The following WDR26 variants were observed in gnomAD, a reference collection of about 807,000 sequenced individuals.
WDR26 encodes the protein WD repeat domain 26.
Under a neutral mutation model 84.1 loss-of-function variants are expected in WDR26, and 5 were observed. That is an observed-to-expected ratio of 0.06 (90% confidence interval 0.03 to 0.13). The LOEUF (loss-of-function observed/expected upper bound fraction) is 0.13. Among genes scored for constraint, WDR26 ranks in the 10% least tolerant of loss-of-function variants. The pLI is 1.00. For synonymous variants in WDR26, 415 were observed against 389.6 expected (o/e 1.07, Z -0.77); for missense variants, 642 against 974.9 (o/e 0.66, Z 4.55).
In WDR26 at chr1:224,433,668, G is replaced by C; in HGVS notation, c.722+16C>G. The C allele has an allele frequency of 8.2e-7, 1 of 1,221,108 alleles. No homozygotes were observed. Among genetic ancestry groups the C allele is most frequent in the Non-Finnish European group, 1.0e-6 (1 of 954,554 alleles). 75.6% of individuals were successfully genotyped at this position (1,221,108 alleles called of 1,614,324 possible). ...CTCGGTCTGTCCATCACCAGCTGGC[G>C]GTAAGGGATACTTACTTGAGCCCTA... On this transcript the variant is annotated intron_variant, in intron 1 of 13. Transcript: ENST00000414423.
At chr1:224,419,278 G>C (rs1673989947) in intron 5 of WDR26, among the ~76,000 whole-genome samples, 1 of 152,002 alleles carries the variant, frequency 6.6e-6, no homozygotes, top group Non-Finnish European at 1.5e-5. Context: ...AAATCTTAAG[G>C]GGGAACATCA....
chr1:224,411,070 C>T (rs1397354211), intron 7 of WDR26, among the ~76,000 whole-genome samples: 7 of 152,062 alleles, frequency 4.6e-5, no homozygotes, highest in Non-Finnish European at 7.4e-5. Flanking sequence ...CAAGGTATTC[C>T]GGGATTTGAG....
chr1:224,410,111 T>A lies in WDR26; in HGVS notation c.1458+1316A>T, dbSNP rs1461359294. 2.0e-5 allele frequency among the ~76,000 whole-genome samples: 3 copies of A among 151,708 alleles called. No homozygotes were observed. In the East Asian group the frequency reaches 5.8e-4, roughly 29 times the overall value. Reference sequence around the variant, plus strand: ...GTCTGGCCAACATGGTGAAACCCCATCTCTACTAAAAATACAAAAATTAGC... The same window carrying A: ...GTCTGGCCAACATGGTGAAACCCCAACTCTACTAAAAATACAAAAATTAGC... On this transcript the variant is annotated intron_variant, in intron 7 of 13. Transcript: ENST00000414423.
Position 224,393,904 on chromosome 1 carries a change from C to T in WDR26, c.2184G>A (p.Met728Ile). The T allele has an allele frequency of 6.3e-7, 1 of 1,594,382 alleles. No homozygotes were observed. The highest frequency in any genetic ancestry group is 1.1e-5 in the South Asian group (1 of 89,626). Residue 728 changes from methionine (M) to isoleucine (I), a missense_variant, in exon 13 of 14, where the codon ATG (methionine) becomes ATA (isoleucine). Coordinates refer to ENST00000414423, the MANE Select transcript of WDR26 (RefSeq NM_001379403.1). The stretch of plus-strand genomic sequence containing the variant: ...TGCCATCATCTGAGGCGCTGGCCAT[C>T]ATGGATGGAATCTGTGGGTTCCAGC...
intron 13 of WDR26, among the ~76,000 whole-genome samples, chr1:224,392,346 A>G (rs528411903): frequency 6.7e-6 from 1 of 149,860 alleles, no homozygotes; most frequent in East Asian, 2.0e-4. Context: ...AGAGCATGAG[A>G]CTCCGTCTCA....
chr1:224,418,748 G>A (rs114764476), intron 5 of WDR26, among the ~76,000 whole-genome samples: 255 of 152,320 alleles, frequency 1.7e-3, no homozygotes, highest in African/African-American at 5.7e-3. Context: ...TGTGTACCAG[G>A]AGACCAGGTG....
chr1:224,420,537 C>T (rs1674029477), intron 4 of WDR26, among the ~76,000 whole-genome samples: 1 of 152,160 alleles, frequency 6.6e-6, no homozygotes, highest in African/African-American at 2.4e-5. Flanking sequence ...TAGTCTACGA[C>T]CTGCTATACC....
intron 3 of WDR26, among the ~76,000 whole-genome samples, chr1:224,425,343 T>TA (rs1183034009): frequency 2.0e-5 from 3 of 152,232 alleles, no homozygotes; most frequent in Non-Finnish European, 2.9e-5. Context: ...TGGTTGAACT[T>TA]AAAGGTTTTT....
At chr1:224,428,320 T>C (rs1674288133) in intron 3 of WDR26, among the ~76,000 whole-genome samples, 1 of 152,218 alleles carries the variant, frequency 6.6e-6, no homozygotes, top group African/African-American at 2.4e-5. Context: ...AATTCAGTAA[T>C]GGTTCTAACT....
chr1:224,432,770 G>A (rs1674431414), intron 1 of WDR26, among the ~76,000 whole-genome samples: 3 of 152,092 alleles, frequency 2.0e-5, no homozygotes, highest in African/African-American at 7.2e-5. Flanking sequence ...GCTGCTGCAC[G>A]TCCTCCCCCC....
rs1031318457 is a variant in WDR26 at position 224,398,081 on chromosome 1, T to C, written c.2074+16A>G. Reference sequence around the variant, plus strand: ...TTTAATATCAACATATGTAAACTGATAAGGACACAATTTACCTTCACTGCC... The same window carrying C: ...TTTAATATCAACATATGTAAACTGACAAGGACACAATTTACCTTCACTGCC... On this transcript the variant is annotated intron_variant, in intron 12 of 13. Transcript: ENST00000414423. 1.2e-5 allele frequency: 19 copies of C among 1,610,618 alleles called. No individual in the cohort carries two copies. The highest frequency in any genetic ancestry group is 1.5e-5 in the Non-Finnish European group (18 of 1,179,222).
At position 224,434,239 on chromosome 1, in the gene WDR26, G is replaced by A. The variant is rs72758337; in HGVS notation, c.167C>T (p.Ser56Leu). The A allele has an allele frequency of 7.2e-7, 1 of 1,380,380 alleles. No individual in the cohort carries two copies. The highest frequency in any genetic ancestry group is 9.3e-7 in the Non-Finnish European group (1 of 1,070,786). 85.5% of individuals were successfully genotyped at this position (1,380,380 alleles called of 1,614,324 possible). A position where few individuals can be genotyped will look rare whatever the true frequency, so the allele number is the denominator to read the frequency against. The change falls in exon 1 of 14, where the codon TCG (serine) becomes TTG (leucine). Residue 56 changes from serine to leucine, a missense_variant. Physicochemically the swap from Ser to Leu is moderately radical, Grantham distance 145. Coordinates refer to ENST00000414423, the MANE Select transcript of WDR26 (RefSeq NM_001379403.1). Reference sequence around the variant, plus strand: ...GGAGGAGGAGGAGGACGAGGACGACGAGGACGGAGGGGAGAGGCCTGCTCT... The same window carrying A: ...GGAGGAGGAGGAGGACGAGGACGACAAGGACGGAGGGGAGAGGCCTGCTCT...
intron 13 of WDR26, among the ~76,000 whole-genome samples, chr1:224,391,763 G>T (rs568213961): frequency 6.6e-6 from 1 of 152,164 alleles, no homozygotes; most frequent in East Asian, 1.9e-4. Flanking sequence ...TTCTAAATAG[G>T]TATTACTTTA....
At chr1:224,426,755 A>T (rs960520773) in intron 3 of WDR26, among the ~76,000 whole-genome samples, 1 of 152,034 alleles carries the variant, frequency 6.6e-6, no homozygotes, top group Non-Finnish European at 1.5e-5. Context: ...AAAAAATGCA[A>T]CTATGAAATG....
intron 1 of WDR26, among the ~76,000 whole-genome samples, chr1:224,432,947 G>A (rs913522755): frequency 1.3e-5 from 2 of 152,140 alleles, no homozygotes; most frequent in African/African-American, 2.4e-5. Flanking sequence ...CACCTAAATT[G>A]TATTTGAAAA....
At chr1:224,400,077 T>C (rs534915666) in intron 9 of WDR26, among the ~76,000 whole-genome samples, 2 of 152,236 alleles carry the variant, frequency 1.3e-5, no homozygotes, top group Non-Finnish European at 2.9e-5. Flanking sequence ...GAGAAAGTTT[T>C]ATGGCAAGGT....
In WDR26 at chr1:224,424,604, A is replaced by G. The variant is rs932685181; in HGVS notation, c.978T>C (p.Asp326=). The G allele has an allele frequency of 6.2e-7, 1 of 1,614,174 alleles. No individual in the cohort carries two copies. Among genetic ancestry groups the G allele is most frequent in the African/African-American group, 1.3e-5 (1 of 75,048 alleles). The change falls in exon 4 of 14, where the codon GAT becomes GAC. Residue 326 remains aspartate (D), a synonymous_variant. Transcript: ENST00000414423. ...CTTGAAGTGCCTCCAGGACCTTGCC[A>G]TCCTCCAGGTATTCTAGGTACTTCT...
chr1:224,415,500 G>A (rs1673874487), intron 6 of WDR26, among the ~76,000 whole-genome samples: 1 of 120,224 alleles, frequency 8.3e-6, no homozygotes, highest in South Asian at 2.7e-4. Flanking sequence ...TTGCTCTGTC[G>A]CCCAAGCTGG....
Position 224,433,667 on chromosome 1 carries a change from C to G in WDR26, c.722+17G>C, listed in dbSNP as rs944029819. 1.4e-6 allele frequency: 2 copies of G among 1,462,458 alleles called. No homozygotes were observed. The highest frequency in any genetic ancestry group is 1.8e-6 in the Non-Finnish European group (2 of 1,106,394). The allele number at this position is 1,462,458 out of a possible 1,614,324, so 90.6% of individuals were successfully genotyped here. On this transcript the variant is annotated intron_variant, in intron 1 of 13. Transcript: ENST00000414423. Reference sequence around the variant, plus strand: ...CCTCGGTCTGTCCATCACCAGCTGGCGGTAAGGGATACTTACTTGAGCCCT... The same window carrying G: ...CCTCGGTCTGTCCATCACCAGCTGGGGGTAAGGGATACTTACTTGAGCCCT...
Sources: allele counts gnomAD v4.1 joint callset (sites outside exome capture counted in the v4.1 genomes callset), GRCh38; gene constraint gnomAD v4.1.1; transcripts MANE v1.5; gene names NCBI Gene and HGNC (gene_info 2026-07-23, HGNC 2026-07-21).